Variants in ECM2 observed in about 807,000 individuals in gnomAD.
ECM2 encodes extracellular matrix protein 2, female organ and adipocyte specific.
Under a neutral mutation model 67.5 loss-of-function variants are expected in ECM2, and 57 were observed. The observed-to-expected ratio is 0.84, with a 90% CI of 0.68 to 1.05. The LOEUF (loss-of-function observed/expected upper bound fraction) is 1.05, where lower values mean the gene tolerates loss of function less well. Ranked by LOEUF, ECM2 falls within the 50% of genes least tolerant of loss-of-function variation. ECM2 has a pLI of 0.00. For missense variants in ECM2, 741 were observed against 822.8 expected, an observed-to-expected ratio of 0.90 and a Z score of 1.22; for synonymous variants, 258 against 294.5, an observed-to-expected ratio of 0.88 and a Z score of 1.27.
rs1169255355 is a variant in ECM2 at position 92,509,953 on chromosome 9, C to A, written c.1252G>T (p.Glu418Ter). ...AGATTGTTCTCATTGACTTTAAGTTCTTCTAATGTAGATGGCAATTGTGAA... is the reference window on the plus strand; with the variant it reads ...AGATTGTTCTCATTGACTTTAAGTTATTCTAATGTAGATGGCAATTGTGAA... ...IPSQLPSTLEELKVNENNLQA... is the reference protein window; with the variant it reads ...IPSQLPSTLE Residue 418 changes from glutamate (E) to a stop codon, truncating the protein, a stop_gained, in exon 6 of 10, where the codon GAA becomes TAA. Transcript: ENST00000344604. LOFTEE classifies it high-confidence loss of function. 2 of 1,610,740 alleles carry A rather than the reference C, an allele frequency of 1.2e-6. No homozygotes were observed. Among genetic ancestry groups the A allele is most frequent in the African/African-American group, 1.3e-5 (1 of 74,790 alleles).
Position 92,514,680 on chromosome 9 carries a change from G to C in ECM2, c.1005C>G (p.Thr335=), listed in dbSNP as rs1563978992. 6.2e-7 allele frequency: 1 copy of C among 1,609,380 alleles called. No individual in the cohort carries two copies. The change falls in exon 4 of 10, where the codon ACC becomes ACG. Residue 335 remains threonine, a synonymous_variant. Transcript: ENST00000344604. ...GTGGTGCTGTCAGCGGTGGTATCTG[G>C]GTAAGCATGGCGTTGATGCAGCTGA... is the stretch of plus-strand genomic sequence containing the variant. ...RTISCINAML[T]QIPPLTAPQI... is the part of the protein sequence containing the mutation.
upstream of ECM2, among the ~76,000 whole-genome samples, chr9:92,539,791 A>G (rs1464273109): frequency 6.6e-6 from 1 of 152,152 alleles, no homozygotes; most frequent in Non-Finnish European, 1.5e-5. Context: ...CCAATGGAAT[A>G]TTACATTTAA....
intron 1 of ECM2, among the ~76,000 whole-genome samples, chr9:92,526,555 A>C (rs1848421461): frequency 6.6e-6 from 1 of 151,954 alleles, no homozygotes; most frequent in Non-Finnish European, 1.5e-5. Context: ...ACCCAAAATT[A>C]GTGGAAAAAA....
rs973951631 is a variant in ECM2 at position 92,511,015 on chromosome 9, A to T, written c.1171-981T>A. On this transcript the variant is annotated intron_variant, in intron 5 of 9. Coordinates refer to ENST00000344604, the MANE Select transcript of ECM2 (RefSeq NM_001393.4). ...GGGAGTAACAGTTTCACTTAGTGGAATATAGTGTGCTTTATTTTTGGCTTT... is the reference window on the plus strand; with the variant it reads ...GGGAGTAACAGTTTCACTTAGTGGATTATAGTGTGCTTTATTTTTGGCTTT... Among the ~76,000 whole-genome samples the T allele has an allele frequency of 3.3e-5, 5 of 152,220 alleles. No homozygotes were observed. The East Asian group carries it at 9.6e-4, about 29-fold the overall frequency.
At chr9:92,541,018 T>C (rs1849305768), upstream of ECM2, among the ~76,000 whole-genome samples, 2 of 150,984 alleles carry the variant, frequency 1.3e-5, no homozygotes, top group East Asian at 4.0e-4. Flanking sequence ...TCCCAGCACT[T>C]TGGGAGGCCG....
At chr9:92,494,272 T>G, downstream of ECM2, 1 of 844,500 alleles carries the variant, frequency 1.2e-6, no homozygotes, top group Middle Eastern at 2.3e-4. Flanking sequence ...ATACTAATTT[T>G]GTTTACAGCT....
At chr9:92,512,652 G>A (rs540295955) in intron 4 of ECM2, among the ~76,000 whole-genome samples, 1 of 152,202 alleles carries the variant, frequency 6.6e-6, no homozygotes, top group South Asian at 2.1e-4. Flanking sequence ...ATGCCTCTAC[G>A]GCTTCAATCT....
At chr9:92,546,805 A>C in the ECM2 span, among the ~76,000 whole-genome samples, 20 of 152,324 alleles carry the variant, frequency 1.3e-4, no homozygotes, top group African/African-American at 4.3e-4. Context: ...TTAAAAAAAC[A>C]ATAAAATTGT....
intron 6 of ECM2, among the ~76,000 whole-genome samples, chr9:92,506,905 A>AATTTT (rs1193444885): frequency 2.0e-5 from 3 of 151,942 alleles, no homozygotes; most frequent in Non-Finnish European, 4.4e-5. Flanking sequence ...ACATTTTTTA[A>AATTTT]ATTTTATTTT....
chr9:92,509,854 A>G (rs1033462928), intron 6 of ECM2, 45 bp downstream of exon 6: 2 of 1,564,924 alleles, frequency 1.3e-6, no homozygotes, highest in African/African-American at 2.8e-5. Context: ...ACTATATAGG[A>G]AAGATTATAA....
At chr9:92,505,420 C>A in intron 7 of ECM2, 113 bp downstream of exon 7, 1 of 942,970 alleles carries the variant, frequency 1.1e-6, no homozygotes, top group Non-Finnish European at 1.6e-6. Flanking sequence ...ATTCTGTATA[C>A]AGCATGAAAC....
In ECM2 at chr9:92,500,843, C is replaced by G; in HGVS notation, c.1815G>C (p.Gly605=). 1 of 1,614,030 alleles carries G rather than the reference C, an allele frequency of 6.2e-7. No homozygotes were observed. Among genetic ancestry groups the G allele is most frequent in the Non-Finnish European group, 8.5e-7 (1 of 1,180,018 alleles). ...DDGMDRVSFY[G]AYHSLRELFL... is the part of the protein sequence containing the mutation. Reference sequence around the variant, plus strand: ...ATAATTCTCTCAGAGAATGATATGCCCCATAGAAGGAGACACGGTCCATGC... The same window carrying G: ...ATAATTCTCTCAGAGAATGATATGCGCCATAGAAGGAGACACGGTCCATGC... Residue 605 remains glycine, a synonymous_variant, in exon 9 of 10, where the codon GGG becomes GGC. Coordinates refer to ENST00000344604, the MANE Select transcript of ECM2 (RefSeq NM_001393.4).
chr9:92,539,969 C>A (rs765736592), upstream of ECM2, among the ~76,000 whole-genome samples: 1 of 152,166 alleles, frequency 6.6e-6, no homozygotes, highest in Non-Finnish European at 1.5e-5. Flanking sequence ...TGTATACTTT[C>A]ACCAGAAATA....
At chr9:92,523,375 T>C (rs1848196062) in intron 1 of ECM2, among the ~76,000 whole-genome samples, 1 of 152,216 alleles carries the variant, frequency 6.6e-6, no homozygotes, top group Admixed American at 6.5e-5. Flanking sequence ...AGCTCTGTCA[T>C]TGTAGCATGA....
chr9:92,534,059 T>C (rs762359679), intron 1 of ECM2, among the ~76,000 whole-genome samples: 1 of 152,166 alleles, frequency 6.6e-6, no homozygotes, highest in African/African-American at 2.4e-5. Flanking sequence ...CTTCTTTTTT[T>C]CCTATACAAG....
At chr9:92,529,756 G>A (rs2131274620) in intron 1 of ECM2, among the ~76,000 whole-genome samples, 1 of 152,194 alleles carries the variant, frequency 6.6e-6, no homozygotes, top group Non-Finnish European at 1.5e-5. Flanking sequence ...TTCTAGAAAG[G>A]GCAAAACTAT....
At chr9:92,551,959 T>TAC in the ECM2 span, among the ~76,000 whole-genome samples, 1 of 115,038 alleles carries the variant, frequency 8.7e-6, no homozygotes, top group African/African-American at 4.9e-5. Context: ...ATATGATATA[T>TAC]ATATGTGTGA....
At chr9:92,541,676 A>G in the ECM2 span, among the ~76,000 whole-genome samples, 1 of 151,892 alleles carries the variant, frequency 6.6e-6, no homozygotes. Context: ...TTTCATATAT[A>G]CATTTTCTTT....
intron 8 of ECM2, among the ~76,000 whole-genome samples, chr9:92,501,510 AT>A (rs1048031596): frequency 6.6e-6 from 1 of 152,036 alleles, no homozygotes; most frequent in Non-Finnish European, 1.5e-5. Context: ...TTCATTCCAC[AT>A]TTGATTTGAT....
Sources: gnomAD v4.1 joint callset for allele counts (sites outside exome capture counted in the v4.1 genomes callset) on GRCh38, gnomAD v4.1.1 for gene constraint, MANE v1.5 for transcripts, NCBI Gene and HGNC (gene_info 2026-07-23, HGNC 2026-07-21) for gene names.